Variants in PKHD1 observed in about 807,000 individuals in gnomAD.
PKHD1 encodes PKHD1 ciliary IPT domain containing fibrocystin/polyductin.
Under a neutral mutation model 412.0 loss-of-function variants are expected in PKHD1, and 291 were observed. The ratio of observed to expected loss-of-function variants is 0.71; its 90% CI spans 0.64 to 0.78. The LOEUF is 0.78. Among genes scored for constraint, PKHD1 ranks in the 30% least tolerant of loss-of-function variants. The probability of loss-of-function intolerance (pLI) is 0.00; values close to 1 mark genes in which losing one functional copy is unlikely to be tolerated. For missense variants in PKHD1, 4,825 were observed against 4,950.7 expected (o/e 0.97, Z 0.76); for synonymous variants, 1,777 against 1,821.5 (o/e 0.98, Z 0.62).
intron 60 of PKHD1, among the ~76,000 whole-genome samples, chr6:51,709,309 G>A (rs2150749694): frequency 6.6e-6 from 1 of 152,238 alleles, no homozygotes; most frequent in South Asian, 2.1e-4. Context: ...CCATATTGCT[G>A]GTGTCCACAA....
At chr6:52,051,873 C>T (rs902608260) in intron 21 of PKHD1, among the ~76,000 whole-genome samples, 4 of 131,460 alleles carry the variant, frequency 3.0e-5, no homozygotes, top group Non-Finnish European at 3.5e-5. Context: ...TCACCCAGCA[C>T]GTCACTTGAG....
At chr6:51,821,901 G>T (rs866644359) in intron 52 of PKHD1, among the ~76,000 whole-genome samples, 5 of 152,122 alleles carry the variant, frequency 3.3e-5, no homozygotes, top group Non-Finnish European at 7.4e-5. Context: ...TGGCCAGGCT[G>T]GTCTCAAACT....
Position 52,055,748 on chromosome 6 carries a change from A to T in PKHD1, c.1694-19T>A, listed in dbSNP as rs747169777. 5.0e-6 allele frequency: 8 copies of T among 1,613,130 alleles called. No homozygotes were observed. Among genetic ancestry groups the T allele is most frequent in the Non-Finnish European group, 2.5e-6 (3 of 1,179,466 alleles). On this transcript the variant is annotated intron_variant, in intron 18 of 66. Coordinates refer to ENST00000371117, the MANE Select transcript of PKHD1 (RefSeq NM_138694.4). ...TCTGGGCCTGGATGCAGTTCAGATA[A>T]AATAGAAAGGCAGGCATAGATATTA...
intron 37 of PKHD1, among the ~76,000 whole-genome samples, chr6:51,924,804 C>G (rs1195932524): frequency 6.6e-6 from 1 of 152,130 alleles, no homozygotes; most frequent in Non-Finnish European, 1.5e-5. Context: ...AAACACCATC[C>G]CATCTTTAGA....
At chr6:51,636,980 T>C (rs1281359552) in intron 64 of PKHD1, among the ~76,000 whole-genome samples, 2 of 152,204 alleles carry the variant, frequency 1.3e-5, no homozygotes, top group Non-Finnish European at 2.9e-5. Context: ...CAAATGATTC[T>C]TCAGTTAGTT....
In PKHD1 at chr6:52,058,345, G is replaced by A. The variant is rs761001661; in HGVS notation, c.1490C>T (p.Ala497Val). 46 of 1,614,028 alleles carry A rather than the reference G, an allele frequency of 2.9e-5. No homozygotes were observed. Among genetic ancestry groups the A allele is most frequent in the Non-Finnish European group, 3.5e-5 (41 of 1,180,012 alleles). Residue 497 changes from alanine (A) to valine (V), a missense_variant, in exon 16 of 67, where the codon GCC becomes GTC. By Grantham distance (64) the Ala-to-Val change is moderately conservative. Coordinates refer to ENST00000371117, the MANE Select transcript of PKHD1 (RefSeq NM_138694.4). ...GACCTGTACTTCTGGAAGCCTCTGGGCTCGGACTCGGATCTGGTGCTTCTC... is the reference window on the plus strand; with the variant it reads ...GACCTGTACTTCTGGAAGCCTCTGGACTCGGACTCGGATCTGGTGCTTCTC... ...LREKHQIRVRAQRLPEVQVLN... is the reference protein window; with the variant it reads ...LREKHQIRVRVQRLPEVQVLN...
Position 51,682,999 on chromosome 6 carries a change from A to G in PKHD1, c.10157-23030T>C, listed in dbSNP as rs150161850. On this transcript the variant is annotated intron_variant, in intron 60 of 66. Coordinates refer to ENST00000371117, the MANE Select transcript of PKHD1 (RefSeq NM_138694.4). The stretch of plus-strand genomic sequence containing the variant: ...AAATATATTGAAAAAGGAGGCTTTT[A>G]CCCAAACAATCAGCTAACTAGCAGT... Among the ~76,000 whole-genome samples the G allele has an allele frequency of 2.6e-5, 4 of 152,192 alleles. No individual in the cohort carries two copies. The East Asian group carries it at 7.7e-4, about 29-fold the overall frequency.
chr6:51,989,573 C>A (rs947355436), intron 35 of PKHD1, among the ~76,000 whole-genome samples: 28 of 152,032 alleles, frequency 1.8e-4, no homozygotes, highest in African/African-American at 6.8e-4. Flanking sequence ...TTAATAATGG[C>A]ATATTATGAA....
chr6:51,670,033 G>T (rs1240231549), intron 60 of PKHD1, among the ~76,000 whole-genome samples: 2 of 150,700 alleles, frequency 1.3e-5, no homozygotes. Context: ...GGTGATTTGG[G>T]GTGGAGAGTT....
At chr6:51,716,594 C>A (rs529277821) in intron 60 of PKHD1, among the ~76,000 whole-genome samples, 1 of 152,056 alleles carries the variant, frequency 6.6e-6, no homozygotes, top group Non-Finnish European at 1.5e-5. Context: ...GCTCCCCTTT[C>A]TTCTGGTTAT....
chr6:52,084,881 C>A lies in PKHD1; in HGVS notation c.52+1G>T. ...ATTCCTTCAAAACACATTCTACTGA[C>A]CTGCCAAAAGTAGTACTTCAATACT... On this transcript the variant is annotated splice_donor_variant, in intron 2 of 66. Coordinates refer to ENST00000371117, the MANE Select transcript of PKHD1 (RefSeq NM_138694.4). LOFTEE classifies it high-confidence loss of function. The A allele has an allele frequency of 6.3e-7, 1 of 1,590,300 alleles. No homozygotes were observed. The highest frequency in any genetic ancestry group is 8.6e-7 in the Non-Finnish European group (1 of 1,158,468).
chr6:51,984,890 G>A (rs944346869), intron 35 of PKHD1, among the ~76,000 whole-genome samples: 3 of 152,000 alleles, frequency 2.0e-5, no homozygotes, highest in Admixed American at 6.6e-5. Flanking sequence ...AGGAGAAAAC[G>A]TCCAAGGATG....
At chr6:51,895,938 C>A (rs996424029) in intron 43 of PKHD1, among the ~76,000 whole-genome samples, 1 of 152,142 alleles carries the variant, frequency 6.6e-6, no homozygotes, top group South Asian at 2.1e-4. Context: ...TCACTCCCAC[C>A]CGAATACTGC....
intron 48 of PKHD1, among the ~76,000 whole-genome samples, chr6:51,857,856 T>C (rs896833911): frequency 6.6e-6 from 1 of 152,190 alleles, no homozygotes; most frequent in Non-Finnish European, 1.5e-5. Context: ...CATGAACTAA[T>C]GAAATGAAAG....
In PKHD1 at chr6:51,618,781, T is replaced by C; in HGVS notation, c.*300A>G. 2.3e-6 allele frequency: 1 copy of C among 427,246 alleles called. No individual in the cohort carries two copies. The highest frequency in any genetic ancestry group is 3.5e-5 in the Admixed American group (1 of 28,436). 26.5% of individuals were successfully genotyped at this position (427,246 alleles called of 1,614,324 possible). The stretch of plus-strand genomic sequence containing the variant: ...AACCCCTGCTGGTATAAGTCAGTAT[T>C]ACACCATTATCAAGTTGTTAAAATC... On this transcript the variant is annotated 3_prime_UTR_variant, in exon 67 of 67. Transcript: ENST00000371117.
intron 29 of PKHD1, 36 bp downstream of exon 29, chr6:52,032,994 A>C: frequency 6.3e-7 from 1 of 1,581,052 alleles, no homozygotes; most frequent in Non-Finnish European, 8.7e-7. Flanking sequence ...CCAATGCTCT[A>C]AGAAGAAAAA....
intron 60 of PKHD1, chr6:51,722,128 T>C (rs1562167291): frequency 1.3e-6 from 2 of 1,574,020 alleles, no homozygotes; most frequent in Admixed American, 3.4e-5. Flanking sequence ...CAAATGAAAA[T>C]ACCCCACACC....
In PKHD1 at chr6:51,791,251, C is replaced by T. The variant is rs398124497; in HGVS notation, c.8425G>A (p.Gly2809Arg). ...CTTTACTCACCAACTTTCAGCTCCC[C>T]GCCTGCAATGACCATGCATGCCACA... ...LSVACMVIAG[G>R]ELKVGTLENP... The change falls in exon 53 of 67, where the codon GGG becomes AGG. Residue 2809 changes from glycine (G) to arginine (R), a missense_variant. Physicochemically the swap from Gly to Arg is moderately radical, Grantham distance 125. Transcript: ENST00000371117. The T allele has an allele frequency of 2.0e-5, 33 of 1,613,992 alleles. No homozygotes were observed. Among genetic ancestry groups the T allele is most frequent in the East Asian group, 4.5e-5 (2 of 44,862 alleles).
At chr6:51,661,800 T>G (rs1772914417) in intron 60 of PKHD1, among the ~76,000 whole-genome samples, 1 of 152,088 alleles carries the variant, frequency 6.6e-6, no homozygotes, top group Non-Finnish European at 1.5e-5. Flanking sequence ...TCTAGATTTT[T>G]AAAATTTGCC....
Sources: gnomAD v4.1 joint callset for allele counts (sites outside exome capture counted in the v4.1 genomes callset) on GRCh38, gnomAD v4.1.1 for gene constraint, MANE v1.5 for transcripts, NCBI Gene and HGNC (gene_info 2026-07-23, HGNC 2026-07-21) for gene names.